EPHA6: variants seen among roughly 807,000 people sequenced by gnomAD.
EPHA6 encodes EPH receptor A6, also known as ephrin type-A receptor 6.
In EPHA6, 50 loss-of-function variants were observed where a neutral mutation model predicts 112.0. The ratio of observed to expected loss-of-function variants is 0.45; its 90% CI spans 0.36 to 0.56. The LOEUF is 0.56. Ranked by LOEUF, EPHA6 falls within the 20% of genes least tolerant of loss-of-function variation. The pLI is 0.00. For missense variants in EPHA6, 1,280 were observed against 1,417.4 expected, an observed-to-expected ratio of 0.90 and a Z score of 1.56; for synonymous variants, 529 against 490.7, an observed-to-expected ratio of 1.08 and a Z score of -1.03.
chr3:97,173,190 A>T lies in EPHA6; in HGVS notation c.1115-53074A>T, dbSNP rs115486465. Among the ~76,000 whole-genome samples, 945 of 152,028 alleles carry T rather than the reference A, an allele frequency of 6.2e-3. 8 individuals carry two copies. The highest frequency in any genetic ancestry group is 0.022 in the African/African-American group (903 of 41,568). ...GTAATAAATGTAAATGTGAAATGTC[A>T]TAAAGTGCTTTTGAAATGTATTAAA... is the stretch of plus-strand genomic sequence containing the variant. On this transcript the variant is annotated intron_variant, in intron 3 of 17. Coordinates refer to ENST00000389672, the MANE Select transcript of EPHA6 (RefSeq NM_001080448.3).
intron 2 of EPHA6, among the ~76,000 whole-genome samples, chr3:96,968,737 G>A (rs1439877996): frequency 6.6e-6 from 1 of 151,834 alleles, no homozygotes; most frequent in Non-Finnish European, 1.5e-5. Flanking sequence ...AATATAATGT[G>A]CAATATTCAG....
In EPHA6 at chr3:97,532,358, G is replaced by A; in HGVS notation, c.2201G>A (p.Gly734Asp). Residue 734 changes from glycine (G) to aspartate (D), a missense_variant and splice_region_variant, in exon 11 of 18, where the codon GGT becomes GAT. By Grantham distance (94) the Gly-to-Asp change is moderately conservative. Coordinates refer to ENST00000389672, the MANE Select transcript of EPHA6 (RefSeq NM_001080448.3). ...TAACTGCTTTTGTTCATATTTTAAG[G>A]TGAATTTGGAGAAGTCTGTAGTGGG... ...RIRIERVIGA[G>D]EFGEVCSGRL... is the part of the protein sequence containing the mutation. 2 of 1,594,170 alleles carry A rather than the reference G, an allele frequency of 1.3e-6. No homozygotes were observed. Among genetic ancestry groups the A allele is most frequent in the Non-Finnish European group, 1.7e-6 (2 of 1,172,230 alleles).
intron 13 of EPHA6, among the ~76,000 whole-genome samples, chr3:97,611,983 C>T (rs1187866011): frequency 1.3e-5 from 2 of 151,916 alleles, no homozygotes; most frequent in Non-Finnish European, 2.9e-5. Flanking sequence ...ATCCTAGAAG[C>T]TGAATTCAGC....
At chr3:97,443,358 G>A (rs945593162) in intron 6 of EPHA6, among the ~76,000 whole-genome samples, 5 of 86,916 alleles carry the variant, frequency 5.8e-5, no homozygotes, top group African/African-American at 5.4e-5. Context: ...TTAAGACATC[G>A]CAAAAAAAAA....
chr3:97,470,690 C>A (rs1266337828), intron 7 of EPHA6, among the ~76,000 whole-genome samples: 1 of 151,134 alleles, frequency 6.6e-6, no homozygotes, highest in African/African-American at 2.4e-5. Flanking sequence ...TAGATGGAAA[C>A]AAACCACACT....
chr3:97,158,380 CCTT>C (rs1211237420), intron 3 of EPHA6, among the ~76,000 whole-genome samples: 1 of 152,162 alleles, frequency 6.6e-6, no homozygotes, highest in African/African-American at 2.4e-5. Context: ...TTTACAACTA[CCTT>C]CTTCTACTAC....
chr3:96,947,465 A>G (rs1045688182), intron 2 of EPHA6, among the ~76,000 whole-genome samples: 13 of 152,052 alleles, frequency 8.5e-5, no homozygotes, highest in Admixed American at 6.6e-4. Flanking sequence ...TGTTTTTGTC[A>G]GGTTTGTCAA....
At chr3:97,542,904 T>A (rs1476475040) in intron 11 of EPHA6, among the ~76,000 whole-genome samples, 2 of 152,224 alleles carry the variant, frequency 1.3e-5, no homozygotes, top group African/African-American at 2.4e-5. Context: ...TTGTGAGAAG[T>A]GTCTGTTCAT....
chr3:97,026,271 A>C (rs910533513), intron 3 of EPHA6, among the ~76,000 whole-genome samples: 30 of 151,854 alleles, frequency 2.0e-4, no homozygotes, highest in African/African-American at 7.3e-4. Context: ...TTGGTTCCAG[A>C]TGAATTTTAG....
rs370315622 is a variant in EPHA6, at chr3:97,469,131, G to A, written c.1895-6221G>A. Among the ~76,000 whole-genome samples, 4 of 151,506 alleles carry A rather than the reference G, an allele frequency of 2.6e-5. No individual in the cohort carries two copies. The East Asian group carries it at 5.8e-4, about 22-fold the overall frequency. On this transcript the variant is annotated intron_variant, in intron 7 of 17. Transcript: ENST00000389672. Reference sequence around the variant, plus strand: ...TATCGAATGATCATATGAAGGTATCGAGTTATAAAACATAGTGAATTATTT... The same window carrying A: ...TATCGAATGATCATATGAAGGTATCAAGTTATAAAACATAGTGAATTATTT...
At chr3:97,187,609 G>T (rs1438661273) in intron 3 of EPHA6, among the ~76,000 whole-genome samples, 1 of 126,008 alleles carries the variant, frequency 7.9e-6, no homozygotes, top group Non-Finnish European at 1.7e-5. Flanking sequence ...AAAAGAGAAA[G>T]AAAGAAAAAG....
intron 14 of EPHA6, among the ~76,000 whole-genome samples, chr3:97,640,524 A>C (rs558212598): frequency 6.6e-6 from 1 of 152,128 alleles, no homozygotes; most frequent in South Asian, 2.1e-4. Flanking sequence ...CCATCCCAGC[A>C]CTTTGGGAAG....
chr3:96,911,921 A>G (rs1022144604), intron 2 of EPHA6, among the ~76,000 whole-genome samples: 7 of 151,796 alleles, frequency 4.6e-5, no homozygotes, highest in Admixed American at 2.6e-4. Flanking sequence ...TTTACCTTCT[A>G]TTACCTTTTC....
chr3:96,815,855 C>T (rs1420018490), intron 1 of EPHA6, among the ~76,000 whole-genome samples: 1 of 152,176 alleles, frequency 6.6e-6, no homozygotes, highest in Admixed American at 6.5e-5. Context: ...GTACCACCTG[C>T]ATATTCTAAG....
intron 3 of EPHA6, among the ~76,000 whole-genome samples, chr3:97,157,412 A>G (rs1047356164): frequency 1.3e-5 from 2 of 152,154 alleles, no homozygotes; most frequent in Non-Finnish European, 2.9e-5. Context: ...GTCAATATAT[A>G]CCTGAAATAA....
intron 3 of EPHA6, among the ~76,000 whole-genome samples, chr3:97,183,460 C>A (rs2077043418): frequency 6.6e-6 from 1 of 152,070 alleles, no homozygotes; most frequent in Admixed American, 6.6e-5. Flanking sequence ...TCTGGCACAA[C>A]TATATTTTAT....
chr3:97,656,238 A>C (rs182805531), intron 14 of EPHA6, among the ~76,000 whole-genome samples: 55 of 152,140 alleles, frequency 3.6e-4, no homozygotes, highest in Admixed American at 1.5e-3. Context: ...TTAATCAAAA[A>C]GTTGGCTGGA....
intron 7 of EPHA6, among the ~76,000 whole-genome samples, chr3:97,453,088 A>G (rs931123914): frequency 3.3e-5 from 5 of 151,800 alleles, no homozygotes; most frequent in South Asian, 2.1e-4. Flanking sequence ...CAAGATTTAT[A>G]TAACATTAAA....
intron 2 of EPHA6, among the ~76,000 whole-genome samples, chr3:96,952,605 A>G (rs1674127496): frequency 6.6e-6 from 1 of 152,208 alleles, no homozygotes; most frequent in Non-Finnish European, 1.5e-5. Flanking sequence ...ATTTTCTTAT[A>G]AATTATCCTG....
Sources: gnomAD v4.1 joint callset for allele counts (sites outside exome capture counted in the v4.1 genomes callset) on GRCh38, gnomAD v4.1.1 for gene constraint, MANE v1.5 for transcripts, NCBI Gene and HGNC (gene_info 2026-07-23, HGNC 2026-07-21) for gene names.